Variants in CNTN4 observed in about 807,000 individuals in gnomAD.
CNTN4 encodes the protein contactin-4.
A neutral mutation model predicts 122.5 loss-of-function variants in CNTN4; 77 were observed. The ratio of observed to expected loss-of-function variants is 0.63; its 90% confidence interval spans 0.52 to 0.76. The LOEUF is 0.76. Among genes scored for constraint, CNTN4 ranks in the 30% least tolerant of loss-of-function variants. The pLI is 0.00. For synonymous variants in CNTN4, 512 were observed against 447.0 expected, an observed-to-expected ratio of 1.15 and a Z score of -1.83; for missense variants, 1,256 against 1,259.1, an observed-to-expected ratio of 1.00 and a Z score of 0.04.
intron 3 of CNTN4, among the ~76,000 whole-genome samples, chr3:2,532,444 A>C (rs1215022457): frequency 1.3e-5 from 2 of 152,132 alleles, no homozygotes; most frequent in Non-Finnish European, 2.9e-5. Context: ...TAAAGGGAGA[A>C]TTCTTTCTTT....
intron 13 of CNTN4, among the ~76,000 whole-genome samples, chr3:2,982,945 G>A (rs1238390601): frequency 6.6e-6 from 1 of 152,104 alleles, no homozygotes; most frequent in Non-Finnish European, 1.5e-5. Context: ...GCCGGGCGCA[G>A]TGGCTCACGC....
rs116124517 is a variant in CNTN4 at position 2,997,262 on chromosome 3, T to A, written c.1486+8790T>A. On this transcript the variant is annotated intron_variant, in intron 14 of 24. Coordinates refer to ENST00000418658, the MANE Select transcript of CNTN4 (RefSeq NM_175607.3). ...GTGGCTTGAGAATGATGCTTTGTCA[T>A]GTAGACTGGTTTTATGTGCACATGA... Among the ~76,000 whole-genome samples, 1,418 of 152,356 alleles carry A rather than the reference T, an allele frequency of 9.3e-3. 23 individuals carry two copies. Among genetic ancestry groups the A allele is most frequent in the African/African-American group, 0.033 (1,358 of 41,588 alleles).
At chr3:2,450,026 C>A (rs1454561303) in intron 3 of CNTN4, among the ~76,000 whole-genome samples, 3 of 152,166 alleles carry the variant, frequency 2.0e-5, no homozygotes, top group Non-Finnish European at 4.4e-5. Flanking sequence ...TGTTGTACAA[C>A]ATAGTGCTTA....
At position 2,357,843 on chromosome 3, in the gene CNTN4, A is replaced by G. The variant is rs80124305; in HGVS notation, c.-89+18610A>G. ...CTTCTTAATCCTGTATGTATTTGGTATCAGGCTTTAATGCCTGTAAATTTA... is the reference window on the plus strand; with the variant it reads ...CTTCTTAATCCTGTATGTATTTGGTGTCAGGCTTTAATGCCTGTAAATTTA... On this transcript the variant is annotated intron_variant, in intron 3 of 24. Transcript: ENST00000418658. Among the ~76,000 whole-genome samples the G allele has an allele frequency of 8.7e-4, 133 of 152,356 alleles. No individual in the cohort carries two copies. The East Asian group carries it at 0.021, about 24-fold the overall frequency.
intron 4 of CNTN4, among the ~76,000 whole-genome samples, chr3:2,590,812 C>A (rs1339436976): frequency 6.6e-6 from 1 of 151,744 alleles, no homozygotes; most frequent in Non-Finnish European, 1.5e-5. Context: ...ACCTCTCCAG[C>A]AGAAAAACTT....
At chr3:2,367,037 C>G (rs2045407225) in intron 3 of CNTN4, among the ~76,000 whole-genome samples, 2 of 151,912 alleles carry the variant, frequency 1.3e-5, no homozygotes, top group South Asian at 4.2e-4. Context: ...TTGAATCTCC[C>G]TATATTGAAC....
chr3:2,759,935 G>C (rs1238306430), intron 6 of CNTN4, among the ~76,000 whole-genome samples: 1 of 152,160 alleles, frequency 6.6e-6, no homozygotes, highest in African/African-American at 2.4e-5. Flanking sequence ...GGCTAATGAT[G>C]TTGAACATAT....
At chr3:2,903,398 C>G (rs2094195938) in intron 12 of CNTN4, among the ~76,000 whole-genome samples, 1 of 152,178 alleles carries the variant, frequency 6.6e-6, no homozygotes, top group African/African-American at 2.4e-5. Flanking sequence ...ATAAACCCTG[C>G]TCTTCCACAT....
intron 2 of CNTN4, among the ~76,000 whole-genome samples, chr3:2,316,840 A>C (rs2043117666): frequency 6.6e-6 from 1 of 152,178 alleles, no homozygotes; most frequent in Non-Finnish European, 1.5e-5. Context: ...GGTTTCATTT[A>C]TCCATGGTTT....
intron 2 of CNTN4, among the ~76,000 whole-genome samples, chr3:2,217,085 T>C (rs2038874707): frequency 6.6e-6 from 1 of 152,190 alleles, no homozygotes; most frequent in Non-Finnish European, 1.5e-5. Context: ...GATGAGACTT[T>C]ATCTGACTTA....
chr3:2,583,384 G>C lies in CNTN4; in HGVS notation c.55+11826G>C, dbSNP rs879524481. ...TAATTCATTTGCCCAAGTTCACATGGCTAAGTGCTTTCAGATACTGGGAAT... is the reference window on the plus strand; with the variant it reads ...TAATTCATTTGCCCAAGTTCACATGCCTAAGTGCTTTCAGATACTGGGAAT... On this transcript the variant is annotated intron_variant, in intron 4 of 24. Transcript: ENST00000418658. 6.8e-4 allele frequency among the ~76,000 whole-genome samples: 104 copies of C among 152,196 alleles called. 1 individual carries two copies. The highest frequency in any genetic ancestry group is 2.5e-3 in the African/African-American group (102 of 41,442).
At chr3:2,278,818 G>A (rs184274033) in intron 2 of CNTN4, among the ~76,000 whole-genome samples, 1,553 of 149,846 alleles carry the variant, frequency 0.01, 22 homozygotes, top group Middle Eastern at 0.031. Context: ...TAAGAACTAA[G>A]TCCAGTGTTT....
At chr3:2,661,131 G>T (rs2083870949) in intron 4 of CNTN4, among the ~76,000 whole-genome samples, 1 of 152,136 alleles carries the variant, frequency 6.6e-6, no homozygotes. Flanking sequence ...TGAGCCAATA[G>T]CTACCATCTT....
At chr3:2,719,741 A>G (rs1428790228) in intron 4 of CNTN4, among the ~76,000 whole-genome samples, 3 of 152,140 alleles carry the variant, frequency 2.0e-5, no homozygotes, top group Non-Finnish European at 4.4e-5. Flanking sequence ...CACTTTTGAA[A>G]TAGAATGAAA....
At chr3:2,834,021 C>T (rs992030172) in intron 7 of CNTN4, among the ~76,000 whole-genome samples, 18 of 152,104 alleles carry the variant, frequency 1.2e-4, no homozygotes, top group African/African-American at 4.3e-4. Flanking sequence ...TGGCGGGCAC[C>T]TGTAGTCCCA....
chr3:2,436,984 G>A (rs920567608), intron 3 of CNTN4, among the ~76,000 whole-genome samples: 1 of 151,656 alleles, frequency 6.6e-6, no homozygotes, highest in Non-Finnish European at 1.5e-5. Flanking sequence ...TTTTCTGATC[G>A]GTTTTTTTCT....
chr3:2,588,360 T>C (rs1045264926), intron 4 of CNTN4, among the ~76,000 whole-genome samples: 1 of 151,714 alleles, frequency 6.6e-6, no homozygotes, highest in Admixed American at 6.6e-5. Flanking sequence ...GAGTTAGGTT[T>C]TGTTTGTTTG....
At chr3:2,734,648 C>A (rs77389500) in intron 4 of CNTN4, among the ~76,000 whole-genome samples, 11 of 139,524 alleles carry the variant, frequency 7.9e-5, no homozygotes, top group African/African-American at 2.9e-4. Flanking sequence ...GCATGAAGTG[C>A]TTTTTTTTTT....
chr3:2,491,436 C>A (rs1229396537), intron 3 of CNTN4, among the ~76,000 whole-genome samples: 1 of 152,098 alleles, frequency 6.6e-6, no homozygotes, highest in Non-Finnish European at 1.5e-5. Flanking sequence ...GATAAAATGT[C>A]AACTGCTATT....
Sources: allele counts gnomAD v4.1 joint callset (sites outside exome capture counted in the v4.1 genomes callset), GRCh38; gene constraint gnomAD v4.1.1; transcripts MANE v1.5; gene names NCBI Gene and HGNC (gene_info 2026-07-23, HGNC 2026-07-21).